ZNF462: variants seen among roughly 807,000 people sequenced by gnomAD.
The protein encoded by ZNF462 is zinc finger PBX1-interacting protein.
Under a neutral mutation model 201.9 loss-of-function variants are expected in ZNF462, and 10 were observed. The observed-to-expected ratio is 0.05, with a 90% CI of 0.03 to 0.08. The LOEUF (loss-of-function observed/expected upper bound fraction) is 0.08. ZNF462 is among the 10% of genes least tolerant of loss of function. The probability of loss-of-function intolerance (pLI) is 1.00; values close to 1 mark genes in which losing one functional copy is unlikely to be tolerated. For missense variants in ZNF462, 2,523 were observed against 3,168.3 expected (o/e 0.80, Z 4.89); for synonymous variants, 1,227 against 1,193.3 (o/e 1.03, Z -0.58).
chr9:106,999,899 C>T (rs2132580596), intron 10 of ZNF462, among the ~76,000 whole-genome samples: 1 of 152,236 alleles, frequency 6.6e-6, no homozygotes, highest in African/African-American at 2.4e-5. Flanking sequence ...GTAAGTAAGA[C>T]TCACAGCAAG....
At chr9:106,864,643 G>C (rs1053289746) in intron 1 of ZNF462, among the ~76,000 whole-genome samples, 6 of 152,136 alleles carry the variant, frequency 3.9e-5, no homozygotes, top group Non-Finnish European at 8.8e-5. Context: ...CAGAGAGGGA[G>C]GGAGGGAGGC....
chr9:107,007,188 A>G (rs1829609606), intron 11 of ZNF462, among the ~76,000 whole-genome samples: 1 of 152,238 alleles, frequency 6.6e-6, no homozygotes, highest in Non-Finnish European at 1.5e-5. Context: ...TTCAAAGGTT[A>G]TAAGCATTAT....
intron 1 of ZNF462, among the ~76,000 whole-genome samples, chr9:106,869,080 C>T (rs889606861): frequency 6.6e-6 from 1 of 152,144 alleles, no homozygotes; most frequent in Non-Finnish European, 1.5e-5. Flanking sequence ...TCTCAAATGC[C>T]CTTCTTTGGA....
In ZNF462 at chr9:106,981,584, G is replaced by A. The variant is rs140870010; in HGVS notation, c.6833-2602G>A. ...CACCTAACGGTGCTTGAACCGTAGC[G>A]AGCACTTAATAGTCTGCAGTGGTGT... On this transcript the variant is annotated intron_variant, in intron 9 of 12. Coordinates refer to ENST00000277225, the MANE Select transcript of ZNF462 (RefSeq NM_021224.6). This position sits in a 1 kb window ranked among gnomAD's most constrained non-coding sequence, Gnocchi z 4.0. 2.4e-3 allele frequency among the ~76,000 whole-genome samples: 370 copies of A among 152,318 alleles called. 2 individuals carry two copies. Among genetic ancestry groups the A allele is most frequent in the African/African-American group, 7.5e-3 (310 of 41,568 alleles).
At chr9:106,918,193 C>A (rs1187228139) in intron 1 of ZNF462, among the ~76,000 whole-genome samples, 3 of 152,130 alleles carry the variant, frequency 2.0e-5, no homozygotes, top group Admixed American at 6.5e-5. Flanking sequence ...TATTGTTTTA[C>A]ACTATAACAT....
At position 106,890,012 on chromosome 9, in the gene ZNF462, A is replaced by G. The variant is rs1373218842; in HGVS notation, c.-31+26657A>G. Reference sequence around the variant, plus strand: ...TACTTACACATATCCAGGCCAACTAATAGGTGTGACCATTTCTTTGTTTTA... The same window carrying G: ...TACTTACACATATCCAGGCCAACTAGTAGGTGTGACCATTTCTTTGTTTTA... On this transcript the variant is annotated intron_variant, in intron 1 of 12. Coordinates refer to ENST00000277225, the MANE Select transcript of ZNF462 (RefSeq NM_021224.6). The surrounding 1 kb of genome is among the most constrained non-coding windows in gnomAD (Gnocchi z 4.2). 1.3e-5 allele frequency among the ~76,000 whole-genome samples: 2 copies of G among 152,238 alleles called. No homozygotes were observed. The highest frequency in any genetic ancestry group is 2.9e-5 in the Non-Finnish European group (2 of 68,042).
In ZNF462 at chr9:106,937,696, CA is replaced by C. The variant is rs796742268; in HGVS notation, c.6236-1218del. ...ATTTTTAATAGTTGTAATTCTAATG[CA>C]ATTGAATATATATATTTAGCCTTTG... On this transcript the variant is annotated intron_variant, in intron 6 of 12. Coordinates refer to ENST00000277225, the MANE Select transcript of ZNF462 (RefSeq NM_021224.6). Among the ~76,000 whole-genome samples the C allele has an allele frequency of 1.5e-3, 235 of 152,048 alleles. 3 individuals carry two copies. Among genetic ancestry groups the C allele is most frequent in the African/African-American group, 5.5e-3 (227 of 41,488 alleles).
At chr9:106,936,617 C>A (rs150092980) in intron 6 of ZNF462, among the ~76,000 whole-genome samples, 222 of 152,294 alleles carry the variant, frequency 1.5e-3, no homozygotes, top group Non-Finnish European at 2.6e-3. Context: ...TTTTCTGTCT[C>A]TGGGAAATTT....
Position 106,981,784 on chromosome 9 carries a change from TGGA to T in ZNF462, c.6833-2400_6833-2398del, listed in dbSNP as rs1283249309. ...GTTTGAAAGAACTGATTATTAATTG[TGGA>T]GAAGTGAAGACTGGAGAGTCACTGA... On this transcript the variant is annotated intron_variant, in intron 9 of 12. Coordinates refer to ENST00000277225, the MANE Select transcript of ZNF462 (RefSeq NM_021224.6). This position sits in a 1 kb window ranked among gnomAD's most constrained non-coding sequence, Gnocchi z 4.0. 2.6e-5 allele frequency among the ~76,000 whole-genome samples: 4 copies of T among 152,100 alleles called. No homozygotes were observed. Among genetic ancestry groups the T allele is most frequent in the Non-Finnish European group, 5.9e-5 (4 of 68,014 alleles).
At chr9:106,936,793 G>A (rs572587391) in intron 6 of ZNF462, among the ~76,000 whole-genome samples, 4 of 152,266 alleles carry the variant, frequency 2.6e-5, no homozygotes, top group East Asian at 3.9e-4. Flanking sequence ...GAGATGATTC[G>A]GCCTGTGGGA....
intron 1 of ZNF462, among the ~76,000 whole-genome samples, chr9:106,915,972 G>A (rs543408067): frequency 2.6e-5 from 4 of 152,250 alleles, no homozygotes; most frequent in African/African-American, 7.2e-5. Context: ...AATCATTCTC[G>A]TCTAAAGCAA....
chr9:106,923,649 CTT>C lies in ZNF462; in HGVS notation c.220+47_220+48del, dbSNP rs749947499. The C allele has an allele frequency of 1.9e-6, 3 of 1,585,332 alleles. No individual in the cohort carries two copies. Among genetic ancestry groups the C allele is most frequent in the East Asian group, 2.2e-5 (1 of 44,678 alleles). ...GCACGGCCGATGTATTTTAATTGCTCTTGTTTCCTTTTAGCCTGTAGCCATGG... is the reference window on the plus strand; with the variant it reads ...GCACGGCCGATGTATTTTAATTGCTCGTTTCCTTTTAGCCTGTAGCCATGG... On this transcript the variant is annotated intron_variant, in intron 2 of 12. Coordinates refer to ENST00000277225, the MANE Select transcript of ZNF462 (RefSeq NM_021224.6). The surrounding 1 kb of genome is among the most constrained non-coding windows in gnomAD (Gnocchi z 5.6).
chr9:106,967,264 T>A (rs1832116542), intron 7 of ZNF462, among the ~76,000 whole-genome samples: 1 of 152,102 alleles, frequency 6.6e-6, no homozygotes, highest in Non-Finnish European at 1.5e-5. Context: ...CTTCTTTGAC[T>A]TTGGATCCCC....
intron 7 of ZNF462, among the ~76,000 whole-genome samples, chr9:106,955,012 T>G (rs1229667626): frequency 6.6e-6 from 1 of 152,184 alleles, no homozygotes; most frequent in Non-Finnish European, 1.5e-5. Flanking sequence ...ATTTGAATGC[T>G]TTTCTGACTC....
intron 1 of ZNF462, among the ~76,000 whole-genome samples, chr9:106,881,547 C>CA (rs1343707007): frequency 3.9e-5 from 6 of 152,152 alleles, no homozygotes; most frequent in East Asian, 3.9e-4. Flanking sequence ...AGTAGACACA[C>CA]AAAAAATCCT....
In ZNF462 at chr9:106,924,273, A is replaced by C; in HGVS notation, c.361A>C (p.Asn121His). 1 of 1,613,992 alleles carries C rather than the reference A, an allele frequency of 6.2e-7. No individual in the cohort carries two copies. The highest frequency in any genetic ancestry group is 8.5e-7 in the Non-Finnish European group (1 of 1,180,010). The change falls in exon 3 of 13, where the codon AAC becomes CAC. Residue 121 changes from asparagine (N) to histidine (H), a missense_variant. Around this residue, in one of 15 missense-constraint regions of ZNF462, gnomAD observed 480 missense variants for 544.4 expected, o/e 0.88. Transcript: ENST00000277225. This position sits in a 1 kb window ranked among gnomAD's most constrained non-coding sequence, Gnocchi z 6.2. ...CTGTGTACGCTACTTCAGGTCAAAA[A>C]ACCTCCTCATAGAACACACTAGAAA... ...KFCVRYFRSK[N>H]LLIEHTRKVH... is the part of the protein sequence containing the mutation.
chr9:106,922,201 G>A (rs1208237510), intron 1 of ZNF462, among the ~76,000 whole-genome samples: 1 of 152,174 alleles, frequency 6.6e-6, no homozygotes, highest in Non-Finnish European at 1.5e-5. Flanking sequence ...TCTGGTTCTA[G>A]ATTACAGTGA....
chr9:107,009,726 A>AG lies in ZNF462; in HGVS notation c.7313+62dup. On this transcript the variant is annotated intron_variant, in intron 12 of 12. Transcript: ENST00000277225. This position sits in a 1 kb window ranked among gnomAD's most constrained non-coding sequence, Gnocchi z 6.1. ...CAAAGCAAGAGGTAGGGAGGGAGGG[A>AG]GGGGCTCTTGTTTTGGTTCCCCTGA... 1.7e-6 allele frequency: 1 copy of AG among 572,116 alleles called. No individual in the cohort carries two copies. The highest frequency in any genetic ancestry group is 2.1e-5 in the Admixed American group (1 of 48,750). 35.4% of individuals were successfully genotyped at this position (572,116 alleles called of 1,614,324 possible). A position where few individuals can be genotyped will look rare whatever the true frequency, so the allele number is the denominator to read the frequency against.
chr9:106,869,459 G>C (rs551845630), intron 1 of ZNF462, among the ~76,000 whole-genome samples: 2 of 152,324 alleles, frequency 1.3e-5, no homozygotes, highest in Non-Finnish European at 1.5e-5. Context: ...TTCCACTTCT[G>C]TCTCTTCTTG....
Sources: gnomAD v4.1 joint callset for allele counts (sites outside exome capture counted in the v4.1 genomes callset) on GRCh38, gnomAD v4.1.1 for gene constraint, gnomAD v4.1.1 regional missense constraint, Gnocchi (gnomAD v3.1) non-coding constraint, MANE v1.5 for transcripts, NCBI Gene and HGNC (gene_info 2026-07-23, HGNC 2026-07-21) for gene names.